CCDC32: variants seen among roughly 807,000 people sequenced by gnomAD.
The protein encoded by CCDC32 is coiled-coil domain-containing protein 32.
A neutral mutation model predicts 20.1 loss-of-function variants in CCDC32; 9 were observed. The observed-to-expected ratio is 0.45, with a 90% CI of 0.27 to 0.78. The LOEUF (loss-of-function observed/expected upper bound fraction) is 0.78, where lower values mean the gene tolerates loss of function less well. CCDC32 is among the 30% of genes least tolerant of loss of function. CCDC32 has a pLI of 0.16. For missense variants in CCDC32, 204 were observed against 215.5 expected (o/e 0.95, Z 0.33); for synonymous variants, 63 against 79.0 (o/e 0.80, Z 1.07).
In CCDC32 at chr15:40,562,850, C is replaced by G; in HGVS notation, c.166G>C (p.Val56Leu). 1 of 1,614,216 alleles carries G rather than the reference C, an allele frequency of 6.2e-7. No individual in the cohort carries two copies. The highest frequency in any genetic ancestry group is 8.5e-7 in the Non-Finnish European group (1 of 1,180,044). ...GCTGGCTGGACAGCAAAGTCAGCCACCTCCCTCTGGCCTTCACCTTCAGGG... is the reference window on the plus strand; with the variant it reads ...GCTGGCTGGACAGCAAAGTCAGCCAGCTCCCTCTGGCCTTCACCTTCAGGG... ...SCPEGEGQREVADFAVQPAVK... is the reference protein window; with the variant it reads ...SCPEGEGQRELADFAVQPAVK... The change falls in exon 2 of 4, where the codon GTG becomes CTG. Residue 56 changes from valine to leucine, a missense_variant. Transcript: ENST00000416810.
rs1890072967 is a variant in CCDC32, at chr15:40,554,070, C to G, written c.459G>C (p.Glu153Asp). Reference sequence around the variant, plus strand: ...CTGGAGGAATCAGATACTGGACCTCCTCTGTGCTGACGGCTACTTTATCTG... The same window carrying G: ...CTGGAGGAATCAGATACTGGACCTCGTCTGTGCTGACGGCTACTTTATCTG... ...LQPDKVAVSTEEVQYLIPPES... is the reference protein window; with the variant it reads ...LQPDKVAVSTDEVQYLIPPES... The change falls in exon 4 of 4, where the codon GAG (glutamate) becomes GAC (aspartate). Residue 153 changes from glutamate to aspartate, a missense_variant. Coordinates refer to ENST00000416810, the MANE Select transcript of CCDC32 (RefSeq NM_001080792.4). The G allele has an allele frequency of 1.2e-6, 2 of 1,614,030 alleles. No individual in the cohort carries two copies. Among genetic ancestry groups the G allele is most frequent in the African/African-American group, 1.3e-5 (1 of 74,970 alleles).
At chr15:40,522,544 G>A in the CCDC32 span, among the ~76,000 whole-genome samples, 2 of 152,154 alleles carry the variant, frequency 1.3e-5, no homozygotes, top group Admixed American at 6.5e-5. Flanking sequence ...AGATCATTTT[G>A]GGGAAAACTG....
At chr15:40,543,617 G>C (rs1480515205) in intron 3 of CCDC32, among the ~76,000 whole-genome samples, 1 of 152,170 alleles carries the variant, frequency 6.6e-6, no homozygotes, top group Non-Finnish European at 1.5e-5. Flanking sequence ...ACCGTGCCCA[G>C]CTAATTTTTG....
At position 40,553,308 on chromosome 15, in the gene CCDC32, C is replaced by CA. The variant is rs1318248790; in HGVS notation, c.*662dup. On this transcript the variant is annotated 3_prime_UTR_variant, in exon 4 of 4. Transcript: ENST00000416810. Reference sequence around the variant, plus strand: ...GGAGGAAGTTGGAGGAGAAGCCATGCATGAAGTAAAAAATACATATACACA... The same window carrying CA: ...GGAGGAAGTTGGAGGAGAAGCCATGCAATGAAGTAAAAAATACATATACACA... The CA allele has an allele frequency of 2.5e-5, 25 of 985,420 alleles. No individual in the cohort carries two copies. The highest frequency in any genetic ancestry group is 2.9e-5 in the Non-Finnish European group (24 of 829,944). The allele number at this position is 985,420 out of a possible 1,614,324, so 61.0% of individuals were successfully genotyped here. A position where few individuals can be genotyped will look rare whatever the true frequency, so the allele number is the denominator to read the frequency against.
At position 40,553,234 on chromosome 15, in the gene CCDC32, A is replaced by G. The variant is rs979355871; in HGVS notation, c.*737T>C. The stretch of plus-strand genomic sequence containing the variant: ...CTATCCAGGAGTAGTGTCAAACACT[A>G]ACACCATATTTACAAGTCTAATTTG... On this transcript the variant is annotated 3_prime_UTR_variant, in exon 4 of 4. Transcript: ENST00000416810. The G allele has an allele frequency of 2.2e-5, 22 of 985,340 alleles. No individual in the cohort carries two copies. The East Asian group carries it at 6.8e-4, about 30-fold the overall frequency. 61.0% of individuals were successfully genotyped at this position (985,340 alleles called of 1,614,324 possible).
downstream of CCDC32, chr15:40,539,216 G>A: frequency 6.5e-7 from 1 of 1,530,306 alleles, no homozygotes; most frequent in Non-Finnish European, 8.8e-7. Flanking sequence ...GCACATCCCT[G>A]CCTGGCCCGC....
downstream of CCDC32, among the ~76,000 whole-genome samples, chr15:40,524,597 G>C (rs1894875439): frequency 6.6e-6 from 1 of 152,112 alleles, no homozygotes; most frequent in Non-Finnish European, 1.5e-5. Flanking sequence ...TGGTTGCCTG[G>C]GGCTTATGGG....
chr15:40,521,271 A>G, the CCDC32 span, among the ~76,000 whole-genome samples: 1 of 152,138 alleles, frequency 6.6e-6, no homozygotes, highest in Non-Finnish European at 1.5e-5. Context: ...ATATATTTGC[A>G]TATTCTAGAC....
chr15:40,564,533 T>A (rs1026505328), intron 1 of CCDC32, among the ~76,000 whole-genome samples: 34 of 152,154 alleles, frequency 2.2e-4, no homozygotes, highest in African/African-American at 7.2e-4. Context: ...TTTATAACTA[T>A]CTAGGCATAT....
At chr15:40,551,440 G>T (rs911662556), downstream of CCDC32, among the ~76,000 whole-genome samples, 1 of 151,942 alleles carries the variant, frequency 6.6e-6, no homozygotes, top group Admixed American at 6.6e-5. Context: ...GTGAGGCCTG[G>T]CATCTGAACT....
downstream of CCDC32, among the ~76,000 whole-genome samples, chr15:40,524,107 AAAG>A (rs1894866807): frequency 6.6e-6 from 1 of 152,070 alleles, no homozygotes; most frequent in South Asian, 2.1e-4. Flanking sequence ...CAGTAATTTA[AAAG>A]AAGAACAAAT....
intron 3 of CCDC32, among the ~76,000 whole-genome samples, chr15:40,539,693 C>T (rs540079886): frequency 3.9e-5 from 6 of 152,258 alleles, no homozygotes; most frequent in Non-Finnish European, 7.4e-5. Context: ...AATTTCCTTG[C>T]CCAATAGGTC....
At chr15:40,531,530 C>A (rs1314113622), downstream of CCDC32, 2 of 152,070 alleles carry the variant, frequency 1.3e-5, no homozygotes, top group Non-Finnish European at 2.9e-5. Flanking sequence ...TTACAAAAAC[C>A]AGAGGAGCAT....
At chr15:40,533,684 A>T (rs963692530), downstream of CCDC32, among the ~76,000 whole-genome samples, 1 of 152,102 alleles carries the variant, frequency 6.6e-6, no homozygotes, top group African/African-American at 2.4e-5. Context: ...CACGTTTTTT[A>T]AAAAAGGATA....
downstream of CCDC32, among the ~76,000 whole-genome samples, chr15:40,551,363 G>C (rs978351052): frequency 2.4e-4 from 37 of 151,958 alleles, no homozygotes; most frequent in African/African-American, 8.7e-4. Flanking sequence ...GCCTGGGCAA[G>C]AGAGTGAGAC....
chr15:40,528,082 T>TA (rs1173736137), downstream of CCDC32, among the ~76,000 whole-genome samples: 2 of 152,348 alleles, frequency 1.3e-5, 1 homozygote, highest in Admixed American at 1.3e-4. Flanking sequence ...CAGCGGTCGA[T>TA]ACTGACTGAG....
downstream of CCDC32, among the ~76,000 whole-genome samples, chr15:40,548,194 C>T (rs1889700268): frequency 6.6e-6 from 1 of 152,100 alleles, no homozygotes; most frequent in Non-Finnish European, 1.5e-5. Context: ...GATTTTGTAC[C>T]TGCTTTTTCA....
downstream of CCDC32, among the ~76,000 whole-genome samples, chr15:40,525,695 T>C (rs1439783333): frequency 6.6e-6 from 1 of 152,198 alleles, no homozygotes; most frequent in Non-Finnish European, 1.5e-5. Flanking sequence ...TCCTCAGAGC[T>C]GACCCTGCCT....
intron 3 of CCDC32, among the ~76,000 whole-genome samples, chr15:40,554,934 T>G (rs533552869): frequency 6.6e-6 from 1 of 152,328 alleles, no homozygotes; most frequent in Admixed American, 6.5e-5. Flanking sequence ...ATTTTAGGCA[T>G]CTCTTGGTAT....
Sources: allele counts gnomAD v4.1 joint callset (sites outside exome capture counted in the v4.1 genomes callset), GRCh38; gene constraint gnomAD v4.1.1; transcripts MANE v1.5; gene names NCBI Gene and HGNC (gene_info 2026-07-23, HGNC 2026-07-21).